Variants in USP31 observed in about 807,000 individuals in gnomAD.
The protein encoded by USP31 is ubiquitin specific peptidase 31, also known as ubiquitin carboxyl-terminal hydrolase 31.
A neutral mutation model predicts 119.4 loss-of-function variants in USP31; 44 were observed. The observed-to-expected ratio is 0.37, with a 90% CI of 0.29 to 0.47. The LOEUF (loss-of-function observed/expected upper bound fraction) is 0.47, where lower values mean the gene tolerates loss of function less well. Among genes scored for constraint, USP31 ranks in the 20% least tolerant of loss-of-function variants. The probability of loss-of-function intolerance (pLI) is 0.99; values close to 1 mark genes in which losing one functional copy is unlikely to be tolerated. For synonymous variants in USP31, 749 were observed against 705.6 expected (o/e 1.06, Z -0.97); for missense variants, 1,643 against 1,730.2 (o/e 0.95, Z 0.89).
In USP31 at chr16:23,096,496, T is replaced by C. The variant is rs184401258; in HGVS notation, c.1235-5692A>G. Among the ~76,000 whole-genome samples, 776 of 150,748 alleles carry C rather than the reference T, an allele frequency of 5.1e-3. 4 individuals carry two copies. Among genetic ancestry groups the C allele is most frequent in the Middle Eastern group, 0.014 (4 of 292 alleles). On this transcript the variant is annotated intron_variant, in intron 6 of 15. Transcript: ENST00000219689. ...TCAGCTCTGCACCAAGCAGACCTAATAGACATCTACAGAACTCTCCACCCC... is the reference window on the plus strand; with the variant it reads ...TCAGCTCTGCACCAAGCAGACCTAACAGACATCTACAGAACTCTCCACCCC...
chr16:23,098,078 C>T (rs998583356), intron 6 of USP31, among the ~76,000 whole-genome samples: 3 of 151,960 alleles, frequency 2.0e-5, no homozygotes, highest in Non-Finnish European at 4.4e-5. Flanking sequence ...AAAACCCCAT[C>T]GTCTCAGCCC....
At chr16:23,144,917 T>A (rs924957380) in intron 1 of USP31, among the ~76,000 whole-genome samples, 2 of 152,208 alleles carry the variant, frequency 1.3e-5, no homozygotes, top group Admixed American at 6.5e-5. Context: ...TCTAATTATA[T>A]CACTTCCTTG....
Position 23,106,352 on chromosome 16 carries a change from C to T in USP31, c.860+47G>A, listed in dbSNP as rs376904048. On this transcript the variant is annotated intron_variant, in intron 3 of 15. Transcript: ENST00000219689. Reference sequence around the variant, plus strand: ...CGCTTGACATTAAAATCACCCAGAACGATGTCAGGTAAACAAAATAAGTGG... The same window carrying T: ...CGCTTGACATTAAAATCACCCAGAATGATGTCAGGTAAACAAAATAAGTGG... The T allele has an allele frequency of 4.5e-4, 721 of 1,613,338 alleles. 3 individuals carry two copies. Among genetic ancestry groups the T allele is most frequent in the South Asian group, 2.1e-3 (188 of 90,952 alleles).
Position 23,148,698 on chromosome 16 carries a change from C to A in USP31, c.573G>T (p.Ala191=). ...GGGTCCAGAGGGCCCGCACCAGGTG[C>A]GCCAGCTGCTCAGTGACCTCGCCCT... ...QGQGEVTEQL[A]HLVRALWTLE... The change falls in exon 1 of 16, where the codon GCG becomes GCT. Residue 191 remains alanine (A), a synonymous_variant. Coordinates refer to ENST00000219689, the MANE Select transcript of USP31 (RefSeq NM_020718.4). 3 of 1,492,618 alleles carry A rather than the reference C, an allele frequency of 2.0e-6. No individual in the cohort carries two copies. The highest frequency in any genetic ancestry group is 1.3e-5 in the South Asian group (1 of 78,074). The allele number at this position is 1,492,618 out of a possible 1,614,324, so 92.5% of individuals were successfully genotyped here.
Position 23,080,100 on chromosome 16 carries a change from G to A in USP31, c.2022C>T (p.His674=), listed in dbSNP as rs116586343. 26 of 1,612,044 alleles carry A rather than the reference G, an allele frequency of 1.6e-5. No individual in the cohort carries two copies. The highest frequency in any genetic ancestry group is 1.4e-4 in the South Asian group (13 of 90,654). Residue 674 remains histidine (H), a synonymous_variant, in exon 13 of 16, where the codon CAC becomes CAT. Transcript: ENST00000219689. ...FPLTGLDMTP[H]VVKRSQSSWS... ...AGCTGCTCTGGCTCCTCTTAACCAC[G>A]TGAGGTGTCATGTCCAGGCCAGTCA... is the stretch of plus-strand genomic sequence containing the variant.
intron 6 of USP31, among the ~76,000 whole-genome samples, chr16:23,093,230 GA>G (rs1299330029): frequency 6.6e-6 from 1 of 151,938 alleles, no homozygotes; most frequent in Non-Finnish European, 1.5e-5. Context: ...TCAAGAAAGA[GA>G]AAAAACCCAG....
intron 2 of USP31, 51 bp from the exon 3 acceptor site, chr16:23,106,538 G>A (rs1342152579): frequency 6.6e-7 from 1 of 1,514,830 alleles, no homozygotes; most frequent in Non-Finnish European, 8.9e-7. Context: ...CCAATTCTTG[G>A]TTGAAGATGA....
intron 1 of USP31, among the ~76,000 whole-genome samples, chr16:23,118,235 C>T (rs542483130): frequency 6.6e-6 from 1 of 152,218 alleles, no homozygotes; most frequent in Non-Finnish European, 1.5e-5. Context: ...GTCTAAAACT[C>T]TGTACAGATG....
rs2141823159 is a variant in USP31, at chr16:23,068,109, T to C, written c.3996A>G (p.Lys1332=). The part of the protein sequence containing the change: ...SSPGGRQSAE[K]SSKKLSSSMQ... ...TGCTAGAAGATAACTTTTTTGAGGA[T>C]TTCTCTGCAGACTGCCTGCCACCCG... Residue 1332 remains lysine, a synonymous_variant, in exon 16 of 16, where the codon AAA becomes AAG. Transcript: ENST00000219689. 1 of 1,614,218 alleles carries C rather than the reference T, an allele frequency of 6.2e-7. No individual in the cohort carries two copies. The highest frequency in any genetic ancestry group is 8.5e-7 in the Non-Finnish European group (1 of 1,180,042).
At position 23,149,385 on chromosome 16, in the gene USP31, C is replaced by T. The variant is rs1903654969; in HGVS notation, c.-115G>A. The T allele has an allele frequency of 2.0e-6, 2 of 983,662 alleles. No homozygotes were observed. The highest frequency in any genetic ancestry group is 4.6e-5 in the South Asian group (1 of 21,616). The allele number at this position is 983,662 out of a possible 1,614,324, so 60.9% of individuals were successfully genotyped here. On this transcript the variant is annotated 5_prime_UTR_variant, in exon 1 of 16. Transcript: ENST00000219689. ...CACCGGGCCCGGGGGCTCGACGCCC[C>T]ACACACCTCAAAGCGCAGCCGAGCC...
At chr16:23,140,009 T>C (rs1903308130) in intron 1 of USP31, among the ~76,000 whole-genome samples, 1 of 152,216 alleles carries the variant, frequency 6.6e-6, no homozygotes, top group South Asian at 2.1e-4. Context: ...TCCTCCTCCT[T>C]TTCCTCACTT....
chr16:23,129,754 A>G (rs1902970628), intron 1 of USP31, among the ~76,000 whole-genome samples: 2 of 152,226 alleles, frequency 1.3e-5, no homozygotes, highest in Admixed American at 6.5e-5. Flanking sequence ...ACATGGTTCC[A>G]TGTAAAATGT....
chr16:23,062,107 G>A lies in USP31; in HGVS notation c.*5939C>T, dbSNP rs1899856571. 1 of 152,642 alleles carries A rather than the reference G, an allele frequency of 6.6e-6. No individual in the cohort carries two copies. The highest frequency in any genetic ancestry group is 2.4e-5 in the African/African-American group (1 of 41,464). 9.5% of individuals were successfully genotyped at this position (152,642 alleles called of 1,614,324 possible). On this transcript the variant is annotated 3_prime_UTR_variant, in exon 16 of 16. Transcript: ENST00000219689. ...CTAAAGAAACATTTCCAACTTGCAT[G>A]TCTACTTGTATCTTCATTCCTTAAA...
At chr16:23,072,571 G>A (rs1164861885) in intron 14 of USP31, 3 of 515,284 alleles carry the variant, frequency 5.8e-6, no homozygotes, top group Admixed American at 7.3e-5. Flanking sequence ...CTAAGCAATT[G>A]CAGTAATATT....
At chr16:23,103,945 A>T (rs941185126) in intron 5 of USP31, among the ~76,000 whole-genome samples, 6 of 152,250 alleles carry the variant, frequency 3.9e-5, no homozygotes, top group Non-Finnish European at 8.8e-5. Context: ...CATACAAACA[A>T]ACAAACAAAA....
intron 5 of USP31, among the ~76,000 whole-genome samples, chr16:23,103,988 G>A (rs1246030909): frequency 6.6e-6 from 1 of 152,156 alleles, no homozygotes; most frequent in Non-Finnish European, 1.5e-5. Context: ...GAGAACACTG[G>A]AGACATTTAA....
In USP31 at chr16:23,120,768, G is replaced by A. The variant is rs186911009; in HGVS notation, c.634-12585C>T. ...GCACAAGAGCCAATCAATGTTCTTC[G>A]CTGAGTGGTGCTCCTCTCCGAAGTG... On this transcript the variant is annotated intron_variant, in intron 1 of 15. Coordinates refer to ENST00000219689, the MANE Select transcript of USP31 (RefSeq NM_020718.4). 2.3e-3 allele frequency among the ~76,000 whole-genome samples: 346 copies of A among 152,272 alleles called. 3 individuals are homozygous for A. Among genetic ancestry groups the A allele is most frequent in the African/African-American group, 7.7e-3 (319 of 41,548 alleles).
At chr16:23,126,343 G>C (rs1195095782) in intron 1 of USP31, among the ~76,000 whole-genome samples, 1 of 137,986 alleles carries the variant, frequency 7.2e-6, no homozygotes. Context: ...AAAAAAAAAA[G>C]GCTGGGCGTA....
At chr16:23,122,790 T>G (rs1902716058) in intron 1 of USP31, among the ~76,000 whole-genome samples, 1 of 152,080 alleles carries the variant, frequency 6.6e-6, no homozygotes, top group African/African-American at 2.4e-5. Context: ...GCTGGAATAT[T>G]CCAGGGAAAT....
Sources: gnomAD v4.1 joint callset for allele counts (sites outside exome capture counted in the v4.1 genomes callset) on GRCh38, gnomAD v4.1.1 for gene constraint, MANE v1.5 for transcripts, NCBI Gene and HGNC (gene_info 2026-07-23, HGNC 2026-07-21) for gene names.